CROCC2: variants seen among roughly 807,000 people sequenced by gnomAD.
CROCC2 encodes the protein ciliary rootlet coiled-coil, rootletin family member 2.
In CROCC2, 163 loss-of-function variants were observed where a neutral mutation model predicts 177.6. The ratio of observed to expected loss-of-function variants is 0.92; its 90% CI spans 0.81 to 1.05. The LOEUF is 1.05. CROCC2 is among the 50% of genes least tolerant of loss of function. CROCC2 has a pLI of 0.00. For missense variants in CROCC2, 1,929 were observed against 1,797.8 expected (o/e 1.07, Z -1.32); for synonymous variants, 904 against 787.3 (o/e 1.15, Z -2.48).
At chr2:240,984,157 C>G (rs1041238225) in intron 28 of CROCC2, among the ~76,000 whole-genome samples, 1 of 152,148 alleles carries the variant, frequency 6.6e-6, no homozygotes, top group Non-Finnish European at 1.5e-5. Context: ...GCCCAAAGGT[C>G]AGACAAACGT....
chr2:240,958,412 G>A lies in CROCC2; in HGVS notation c.2944-889G>A. 1 of 254,858 alleles carries A rather than the reference G, an allele frequency of 3.9e-6. No homozygotes were observed. The highest frequency in any genetic ancestry group is 6.2e-6 in the Non-Finnish European group (1 of 161,930). The allele number at this position is 254,858 out of a possible 1,614,324, so 15.8% of individuals were successfully genotyped here. On this transcript the variant is annotated intron_variant, in intron 19 of 31. Transcript: ENST00000690015. This position sits in a 1 kb window ranked among gnomAD's most constrained non-coding sequence, Gnocchi z 6.7. ...AATGACGACAGGAGGCAGCAGCATG[G>A]CTCCTTTCCCAAGAGCAGGGGGCAC...
intron 14 of CROCC2, among the ~76,000 whole-genome samples, chr2:240,940,449 T>C (rs2059489458): frequency 6.6e-6 from 1 of 152,212 alleles, no homozygotes; most frequent in Non-Finnish European, 1.5e-5. Context: ...CCTTTTCATA[T>C]ATTTACCTTC....
intron 14 of CROCC2, among the ~76,000 whole-genome samples, chr2:240,938,405 T>TC (rs1417809938): frequency 1.8e-4 from 27 of 152,374 alleles, no homozygotes; most frequent in African/African-American, 6.0e-4. Context: ...GATTTGTTGA[T>TC]CTGTGCAAGT....
chr2:240,907,798 G>C (rs2059266429), intron 1 of CROCC2, among the ~76,000 whole-genome samples: 1 of 134,338 alleles, frequency 7.4e-6, no homozygotes, highest in Non-Finnish European at 1.6e-5. Flanking sequence ...CACCTGGGGT[G>C]AGCTCTACCT....
rs1471895500 is a variant in CROCC2 at position 240,918,388 on chromosome 2, C to A, written c.79-338C>A. Among the ~76,000 whole-genome samples the A allele has an allele frequency of 6.6e-6, 1 of 152,206 alleles. No homozygotes were observed. Among genetic ancestry groups the A allele is most frequent in the Non-Finnish European group, 1.5e-5 (1 of 68,022 alleles). On this transcript the variant is annotated intron_variant, in intron 1 of 31. Coordinates refer to ENST00000690015, the MANE Select transcript of CROCC2 (RefSeq NM_001351305.2). The surrounding 1 kb of genome is among the most constrained non-coding windows in gnomAD (Gnocchi z 6.3). ...TGTGGAGCAGAGGCAAAGGAACCTG[C>A]CTGTCAGCATCCCCTAGGGAACTGG...
chr2:240,935,462 G>A lies in CROCC2; in HGVS notation c.2043G>A (p.Leu681=). Residue 681 remains leucine, a synonymous_variant, in exon 14 of 32, where the codon CTG becomes CTA. Coordinates refer to ENST00000690015, the MANE Select transcript of CROCC2 (RefSeq NM_001351305.2). ...CACAGGCGGAGCAGCAGCTGGCGCT[G>A]GAGCGGGCAGAGCGCAGGGGCCTGC... ...QLAQAEQQLA[L]ERAERRGLQQ... 2 of 1,370,444 alleles carry A rather than the reference G, an allele frequency of 1.5e-6. No individual in the cohort carries two copies. Among genetic ancestry groups the A allele is most frequent in the Non-Finnish European group, 1.9e-6 (2 of 1,057,618 alleles). The allele number at this position is 1,370,444 out of a possible 1,614,324, so 84.9% of individuals were successfully genotyped here. A position where few individuals can be genotyped will look rare whatever the true frequency, so the allele number is the denominator to read the frequency against.
At chr2:240,932,498 G>A in intron 8 of CROCC2, 84 bp downstream of exon 8, 1 of 710,000 alleles carries the variant, frequency 1.4e-6, no homozygotes, top group Non-Finnish European at 2.6e-6. Context: ...GAAGCCTGGT[G>A]CGGCAGTGGA....
chr2:240,913,056 C>A (rs2059298384), intron 1 of CROCC2, among the ~76,000 whole-genome samples: 2 of 152,238 alleles, frequency 1.3e-5, no homozygotes, highest in Non-Finnish European at 2.9e-5. Context: ...CAGGCACAGC[C>A]AGGGCCACTG....
At chr2:240,925,478 C>G (rs890519150) in intron 4 of CROCC2, among the ~76,000 whole-genome samples, 1 of 152,206 alleles carries the variant, frequency 6.6e-6, no homozygotes, top group East Asian at 1.9e-4. Flanking sequence ...GGGCAGATAT[C>G]GCAGGGAGGC....
intron 1 of CROCC2, among the ~76,000 whole-genome samples, chr2:240,913,079 G>A (rs996056900): frequency 3.9e-5 from 6 of 152,274 alleles, no homozygotes; most frequent in Middle Eastern, 3.4e-3. Context: ...CTAACAACAC[G>A]GGCCCATCCT....
intron 3 of CROCC2, among the ~76,000 whole-genome samples, chr2:240,921,560 C>T (rs2059357025): frequency 6.6e-6 from 1 of 152,222 alleles, no homozygotes; most frequent in Admixed American, 6.5e-5. Context: ...GATCCAAACT[C>T]GCCAGCAGCC....
intron 28 of CROCC2, chr2:240,983,371 C>T (rs2059814754): frequency 1.3e-5 from 17 of 1,295,224 alleles, no homozygotes; most frequent in Non-Finnish European, 1.6e-5. Context: ...CGACCCCGCT[C>T]TCAGAAACTC....
chr2:240,966,434 C>T (rs935988090), intron 25 of CROCC2, 25 bp downstream of exon 25: 4 of 400,042 alleles, frequency 1.0e-5, no homozygotes, highest in Non-Finnish European at 1.8e-5. Context: ...GGTCCTCCCG[C>T]CCACGGCGGC....
In CROCC2 at chr2:240,918,306, C is replaced by T. The variant is rs1440827897; in HGVS notation, c.79-420C>T. 6.6e-6 allele frequency among the ~76,000 whole-genome samples: 1 copy of T among 152,212 alleles called. No homozygotes were observed. The highest frequency in any genetic ancestry group is 1.5e-5 in the Non-Finnish European group (1 of 68,036). Reference sequence around the variant, plus strand: ...GATCTAGGTCCCTCCTCTGGCCCCACCGTGCAAACAAGCTGTGAGACCACC... The same window carrying T: ...GATCTAGGTCCCTCCTCTGGCCCCATCGTGCAAACAAGCTGTGAGACCACC... On this transcript the variant is annotated intron_variant, in intron 1 of 31. Coordinates refer to ENST00000690015, the MANE Select transcript of CROCC2 (RefSeq NM_001351305.2). This position sits in a 1 kb window ranked among gnomAD's most constrained non-coding sequence, Gnocchi z 6.3.
rs1199174442 is a variant in CROCC2 at position 240,920,071 on chromosome 2, G to A, written c.318G>A (p.Leu106=). ...LQEELTRLGD[L]LAQASAERDE... ...AGGAGCTGACCCGGCTGGGGGACCT[G>A]CTGGCCCAGGCCAGCGCCGAGCGAG... The change falls in exon 3 of 32, where the codon CTG becomes CTA. Residue 106 remains leucine, a synonymous_variant. Transcript: ENST00000690015. 1 of 715,134 alleles carries A rather than the reference G, an allele frequency of 1.4e-6. No individual in the cohort carries two copies. Among genetic ancestry groups the A allele is most frequent in the Non-Finnish European group, 2.6e-6 (1 of 384,658 alleles). 44.3% of individuals were successfully genotyped at this position (715,134 alleles called of 1,614,324 possible).
At chr2:240,910,764 C>T (rs1352122569) in intron 1 of CROCC2, among the ~76,000 whole-genome samples, 1 of 152,224 alleles carries the variant, frequency 6.6e-6, no homozygotes, top group Non-Finnish European at 1.5e-5. Flanking sequence ...CTTTCAGTTT[C>T]TCTGGGTTTG....
chr2:240,918,714 G>A lies in CROCC2; in HGVS notation c.79-12G>A. ...GCTGCCATCTCCAGGTATCTCTGGG[G>A]GTGTCTTTCAGAGACTGGAGGACAC... On this transcript the variant is annotated splice_polypyrimidine_tract_variant and intron_variant, in intron 1 of 31. Transcript: ENST00000690015. This position sits in a 1 kb window ranked among gnomAD's most constrained non-coding sequence, Gnocchi z 6.3. 1.8e-6 allele frequency: 1 copy of A among 557,134 alleles called. No individual in the cohort carries two copies. The highest frequency in any genetic ancestry group is 2.4e-5 in the South Asian group (1 of 41,342). 34.5% of individuals were successfully genotyped at this position (557,134 alleles called of 1,614,324 possible).
intron 27 of CROCC2, among the ~76,000 whole-genome samples, chr2:240,976,395 T>A (rs75431003): frequency 3.2e-3 from 225 of 70,390 alleles, no homozygotes; most frequent in Non-Finnish European, 3.9e-3. Context: ...TAGGAGCCTC[T>A]GGAGCCCAGG....
rs2059624586 is a variant in CROCC2, at chr2:240,960,541, C to T, written c.3087+1097C>T. On this transcript the variant is annotated intron_variant, in intron 20 of 31. Transcript: ENST00000690015. The surrounding 1 kb of genome is among the most constrained non-coding windows in gnomAD (Gnocchi z 5.0). ...TGTGTGTGGCAAGGGCAGGAGGGCA[C>T]GCGGATCTGGGCTAGAGGAGGGGAG... Among the ~76,000 whole-genome samples the T allele has an allele frequency of 1.3e-5, 2 of 151,808 alleles. No individual in the cohort carries two copies. Among genetic ancestry groups the T allele is most frequent in the South Asian group, 2.1e-4 (1 of 4,798 alleles).
Sources: allele counts gnomAD v4.1 joint callset (sites outside exome capture counted in the v4.1 genomes callset), GRCh38; gene constraint gnomAD v4.1.1; non-coding constraint Gnocchi (gnomAD v3.1); transcripts MANE v1.5; gene names NCBI Gene and HGNC (gene_info 2026-07-23, HGNC 2026-07-21).